Variants in PALLD observed in about 807,000 individuals in gnomAD.
PALLD encodes the protein palladin.
In PALLD, 61 loss-of-function variants were observed where a neutral mutation model predicts 123.5. The observed-to-expected ratio is 0.49, with a 90% CI of 0.40 to 0.61. PALLD has a LOEUF of 0.61. PALLD is among the 20% of genes least tolerant of loss of function. The probability of loss-of-function intolerance (pLI) is 0.00; values close to 1 mark genes in which losing one functional copy is unlikely to be tolerated. For synonymous variants in PALLD, 465 were observed against 496.4 expected, an observed-to-expected ratio of 0.94 and a Z score of 0.84; for missense variants, 1,273 against 1,377.0, an observed-to-expected ratio of 0.92 and a Z score of 1.20.
intron 10 of PALLD, among the ~76,000 whole-genome samples, chr4:168,780,799 T>C (rs1735807861): frequency 6.6e-6 from 1 of 152,106 alleles, no homozygotes; most frequent in Admixed American, 6.6e-5. Context: ...GCGATTCTCC[T>C]GCCTCAGCCT....
chr4:168,575,813 G>A (rs1213556352), intron 2 of PALLD, among the ~76,000 whole-genome samples: 1 of 151,998 alleles, frequency 6.6e-6, no homozygotes, highest in East Asian at 1.9e-4. Context: ...CACTGCTATT[G>A]GCCTGGGGAC....
At chr4:168,797,453 A>G (rs920124769) in intron 10 of PALLD, among the ~76,000 whole-genome samples, 1 of 152,000 alleles carries the variant, frequency 6.6e-6, no homozygotes, top group Non-Finnish European at 1.5e-5. Flanking sequence ...CTAATAAAGG[A>G]GTTTATCAGA....
intron 2 of PALLD, among the ~76,000 whole-genome samples, chr4:168,574,328 A>C (rs977347562): frequency 1.1e-4 from 16 of 152,216 alleles, no homozygotes; most frequent in Admixed American, 1.0e-3. Context: ...GAAAGAAAGA[A>C]AGAAAATGCT....
chr4:168,564,002 C>A (rs1407857562), intron 2 of PALLD, among the ~76,000 whole-genome samples: 1 of 152,210 alleles, frequency 6.6e-6, no homozygotes, highest in Non-Finnish European at 1.5e-5. Flanking sequence ...CTGCCTTCAT[C>A]ACCCTTCTCC....
chr4:168,605,072 T>G lies in PALLD; in HGVS notation c.909-63118T>G, dbSNP rs1773034837. Among the ~76,000 whole-genome samples, 5 of 152,280 alleles carry G rather than the reference T, an allele frequency of 3.3e-5. No individual in the cohort carries two copies. The South Asian group carries it at 1.0e-3, about 32-fold the overall frequency. ...GAATATCAAATATAAACTGCCCCTC[T>G]GGTGCAGAGTGTGATCAAGGGGGTA... On this transcript the variant is annotated intron_variant, in intron 2 of 21. Transcript: ENST00000505667.
chr4:168,899,510 A>C (rs1236187340), intron 14 of PALLD, among the ~76,000 whole-genome samples: 9 of 152,238 alleles, frequency 5.9e-5, no homozygotes, highest in Admixed American at 5.9e-4. Flanking sequence ...AGAAGCAAGC[A>C]AAAAGTTGCC....
In PALLD at chr4:168,766,037, G is replaced by A. The variant is rs181245568; in HGVS notation, c.1964+54114G>A. ...ACCCATATGGACTTAGTCCCTTTCT[G>A]TAGGGATTTCACAGTTTCTGGTTGG... On this transcript the variant is annotated intron_variant, in intron 10 of 21. Coordinates refer to ENST00000505667, the MANE Select transcript of PALLD (RefSeq NM_001166108.2). 4.2e-3 allele frequency among the ~76,000 whole-genome samples: 641 copies of A among 152,310 alleles called. 4 individuals are homozygous for A. The highest frequency in any genetic ancestry group is 0.015 in the African/African-American group (615 of 41,562).
intron 2 of PALLD, among the ~76,000 whole-genome samples, chr4:168,521,210 A>G (rs1007121559): frequency 1.3e-5 from 2 of 152,190 alleles, no homozygotes; most frequent in Non-Finnish European, 2.9e-5. Flanking sequence ...ACACCTGTAT[A>G]TAAGAAGCTT....
Position 168,831,983 on chromosome 4 carries a change from C to T in PALLD, c.1965-58939C>T, listed in dbSNP as rs559545418. ...GCTGCGAGCCACGCCTCCTCTCTCCCGCCCGCCGCGCCGCCGGACTCTTAT... is the reference window on the plus strand; with the variant it reads ...GCTGCGAGCCACGCCTCCTCTCTCCTGCCCGCCGCGCCGCCGGACTCTTAT... On this transcript the variant is annotated intron_variant, in intron 10 of 21. Coordinates refer to ENST00000505667, the MANE Select transcript of PALLD (RefSeq NM_001166108.2). 4 of 985,344 alleles carry T rather than the reference C, an allele frequency of 4.1e-6. No homozygotes were observed. In the South Asian group the frequency reaches 1.9e-4, roughly 46 times the overall value. The allele number at this position is 985,344 out of a possible 1,614,324, so 61.0% of individuals were successfully genotyped here.
chr4:168,688,200 C>T (rs1463625126), intron 6 of PALLD, among the ~76,000 whole-genome samples: 1 of 152,224 alleles, frequency 6.6e-6, no homozygotes, highest in Non-Finnish European at 1.5e-5. Context: ...TCACTCATAG[C>T]ACCTTCACTG....
intron 2 of PALLD, among the ~76,000 whole-genome samples, chr4:168,644,839 A>G (rs904533400): frequency 1.3e-5 from 2 of 152,152 alleles, no homozygotes; most frequent in Admixed American, 1.3e-4. Context: ...GCAGTGGCTC[A>G]CGCCTATAAT....
At chr4:168,734,896 C>T (rs564673272) in intron 10 of PALLD, among the ~76,000 whole-genome samples, 1 of 151,894 alleles carries the variant, frequency 6.6e-6, no homozygotes, top group East Asian at 1.9e-4. Flanking sequence ...TGCACTCTAG[C>T]ATGGGCCACA....
chr4:168,708,657 T>TG (rs1230011394), intron 8 of PALLD, among the ~76,000 whole-genome samples: 1 of 152,206 alleles, frequency 6.6e-6, no homozygotes, highest in African/African-American at 2.4e-5. Flanking sequence ...GGTAGCTGTA[T>TG]GTACAGAAAG....
chr4:168,845,349 T>G (rs1746677746), intron 10 of PALLD, among the ~76,000 whole-genome samples: 1 of 152,208 alleles, frequency 6.6e-6, no homozygotes, highest in Non-Finnish European at 1.5e-5. Flanking sequence ...ATCATCTGTC[T>G]TAGATAATAG....
chr4:168,777,338 C>T (rs984694089), intron 10 of PALLD, among the ~76,000 whole-genome samples: 1 of 152,178 alleles, frequency 6.6e-6, no homozygotes, highest in Admixed American at 6.5e-5. Context: ...TGCTTTATCC[C>T]ATCATTGCTC....
rs758408204 is a variant in PALLD, at chr4:168,924,330, G to A, written c.3134G>A (p.Arg1045Gln). 36 of 1,613,754 alleles carry A rather than the reference G, an allele frequency of 2.2e-5. No homozygotes were observed. Among genetic ancestry groups the A allele is most frequent in the South Asian group, 5.5e-5 (5 of 91,078 alleles). ...GGAGTTGCTGATGGGTACCCAGTGC[G>A]GCTGGAATGTCGTGTATTGGGAGTG... ...NTGVADGYPVRLECRVLGVPP... is the reference protein window; with the variant it reads ...NTGVADGYPVQLECRVLGVPP... The change falls in exon 19 of 22, where the codon CGG becomes CAG. Residue 1045 changes from arginine (R) to glutamine (Q), a missense_variant. Transcript: ENST00000505667.
chr4:168,777,383 C>T (rs760765323), intron 10 of PALLD, among the ~76,000 whole-genome samples: 9 of 152,150 alleles, frequency 5.9e-5, no homozygotes, highest in Non-Finnish European at 1.3e-4. Context: ...TTCCTGCCGC[C>T]TTAGACTGAA....
chr4:168,653,837 A>G (rs1309336124), intron 2 of PALLD, among the ~76,000 whole-genome samples: 1 of 152,024 alleles, frequency 6.6e-6, no homozygotes, highest in African/African-American at 2.4e-5. Context: ...AGTAGCTGGG[A>G]CTACAGGCAC....
chr4:168,710,376 G>T (rs1784720592), intron 9 of PALLD, among the ~76,000 whole-genome samples: 1 of 151,738 alleles, frequency 6.6e-6, no homozygotes, highest in South Asian at 2.1e-4. Flanking sequence ...TCATCTTAAA[G>T]ATATTTTTAA....
Sources: gnomAD v4.1 joint callset for allele counts (sites outside exome capture counted in the v4.1 genomes callset) on GRCh38, gnomAD v4.1.1 for gene constraint, MANE v1.5 for transcripts, NCBI Gene and HGNC (gene_info 2026-07-23, HGNC 2026-07-21) for gene names.